The following HBG1 variants were observed in gnomAD, a reference collection of about 807,000 sequenced individuals.
HBG1 encodes the protein hemoglobin subunit gamma 1.
In HBG1, 1 loss-of-function variant was observed where a neutral mutation model predicts 5.9. That is an observed-to-expected ratio of 0.17 (90% CI 0.06 to 0.81). The LOEUF is 0.81. HBG1 is among the 30% of genes least tolerant of loss of function. The pLI, the probability that HBG1 is intolerant of heterozygous loss-of-function variation, is 0.73. For missense variants in HBG1, 57 were observed against 122.0 expected (o/e 0.47, Z 2.51); for synonymous variants, 19 against 50.5 (o/e 0.38, Z 2.64).
rs33963857 is a variant in HBG1, at chr11:5,248,439, C to A, written c.364G>T (p.Glu122Ter). ...GAAGCCTGCACCTCAGGGGTGAATT[C>A]TTTGCCGAAATGGATTGCCAAAACG... ...VTVLAIHFGK[E>*]FTPEVQASWQ... Residue 122 changes from glutamate to a stop codon, truncating the protein, a stop_gained, in exon 3 of 3, where the codon GAA becomes TAA. Transcript: ENST00000330597. LOFTEE classifies it low-confidence loss of function (END_TRUNC). The A allele has an allele frequency of 3.7e-6, 6 of 1,613,988 alleles. No homozygotes were observed. In the East Asian group the frequency reaches 1.1e-4, roughly 30 times the overall value.
chr11:5,248,776 GCGCGCACA>G (rs1847912241), intron 2 of HBG1, among the ~76,000 whole-genome samples: 6 of 84,306 alleles, frequency 7.1e-5, no homozygotes, highest in African/African-American at 1.9e-4. Flanking sequence ...ACACACGCGC[GCGCGCACA>G]CACACACACA....
chr11:5,248,799 CAG>C lies in HBG1; in HGVS notation c.316-314_316-313del, dbSNP rs1847913187. Among the ~76,000 whole-genome samples, 7 of 147,200 alleles carry C rather than the reference CAG, an allele frequency of 4.8e-5. No individual in the cohort carries two copies. In the East Asian group the frequency reaches 7.8e-4, roughly 16 times the overall value. ...GCGCGCGCACACACACACACACACACAGAGCTGACTTTCAAAATCTACTCCAG... is the reference window on the plus strand; with the variant it reads ...GCGCGCGCACACACACACACACACACAGCTGACTTTCAAAATCTACTCCAG... On this transcript the variant is annotated intron_variant, in intron 2 of 2. Coordinates refer to ENST00000330597, the MANE Select transcript of HBG1 (RefSeq NM_000559.3).
rs33963857 is a variant in HBG1 at position 5,248,439 on chromosome 11, C to T, written c.364G>A (p.Glu122Lys). 73 of 1,613,870 alleles carry T rather than the reference C, an allele frequency of 4.5e-5. No homozygotes were observed. The highest frequency in any genetic ancestry group is 6.0e-5 in the Non-Finnish European group (71 of 1,179,962). Reference protein sequence around the residue: ...VTVLAIHFGKEFTPEVQASWQ... With the variant: ...VTVLAIHFGKKFTPEVQASWQ... ...GAAGCCTGCACCTCAGGGGTGAATTCTTTGCCGAAATGGATTGCCAAAACG... is the reference window on the plus strand; with the variant it reads ...GAAGCCTGCACCTCAGGGGTGAATTTTTTGCCGAAATGGATTGCCAAAACG... The change falls in exon 3 of 3, where the codon GAA becomes AAA. Residue 122 changes from glutamate (E) to lysine (K), a missense_variant. This residue lies in a region of HBG1 where 43 missense variants were observed against 44.9 expected (regional missense o/e 0.96). Transcript: ENST00000330597.
In HBG1 at chr11:5,248,319, A is replaced by G. The variant is rs1319632647; in HGVS notation, c.*40T>C. The G allele has an allele frequency of 6.2e-7, 1 of 1,611,070 alleles. No homozygotes were observed. Among genetic ancestry groups the G allele is most frequent in the Non-Finnish European group, 8.5e-7 (1 of 1,177,358 alleles). On this transcript the variant is annotated 3_prime_UTR_variant, in exon 3 of 3. Transcript: ENST00000330597. Reference sequence around the variant, plus strand: ...TTATTATTTGTATTGCTTGCAGAATAAAGCCTATCCTTGAAAGCTCTGAAT... The same window carrying G: ...TTATTATTTGTATTGCTTGCAGAATGAAGCCTATCCTTGAAAGCTCTGAAT...
chr11:5,248,870 C>T (rs1847913804), intron 2 of HBG1, among the ~76,000 whole-genome samples: 3 of 149,830 alleles, frequency 2.0e-5, no homozygotes, highest in African/African-American at 7.5e-5. Flanking sequence ...ATACTTTGCC[C>T]CCATCTGGAA....
rs55769951 is a variant in HBG1, at chr11:5,249,103, T to C, written c.315+265A>G. ...AGGGAAAGATGAAAGTTCTTTCTAC[T>C]GGAATCTAATAAAGAAAAGTCATTT... On this transcript the variant is annotated intron_variant, in intron 2 of 2. Coordinates refer to ENST00000330597, the MANE Select transcript of HBG1 (RefSeq NM_000559.3). 1.8e-3 allele frequency among the ~76,000 whole-genome samples: 122 copies of C among 69,656 alleles called. 30 individuals are homozygous for C. Among genetic ancestry groups the C allele is most frequent in the Non-Finnish European group, 3.5e-3 (92 of 26,642 alleles). The allele number at this position is 69,656 out of a possible 152,430, so 45.7% of individuals were successfully genotyped here.
intron 2 of HBG1, among the ~76,000 whole-genome samples, chr11:5,248,848 T>C (rs1847913608): frequency 6.6e-6 from 1 of 150,460 alleles, no homozygotes; most frequent in South Asian, 2.1e-4. Context: ...CAATTGTTCC[T>C]CACCCCTGGA....
chr11:5,248,738 TAAAAG>T (rs925790957), intron 2 of HBG1, among the ~76,000 whole-genome samples: 1 of 149,962 alleles, frequency 6.7e-6, no homozygotes, highest in Non-Finnish European at 1.5e-5. Context: ...CTGAAGACGT[TAAAAG>T]AAACACACGC....
intron 2 of HBG1, 146 bp downstream of exon 2, chr11:5,249,222 C>CA: frequency 1.3e-6 from 1 of 747,734 alleles, no homozygotes; most frequent in South Asian, 1.6e-5. Flanking sequence ...CACTGGGTCT[C>CA]AGCCCAGTTA....
chr11:5,249,515 C>A lies in HBG1; in HGVS notation c.168G>T (p.Met56Ile). The A allele has an allele frequency of 1.0e-6, 1 of 979,320 alleles. No individual in the cohort carries two copies. Among genetic ancestry groups the A allele is most frequent in the Admixed American group, 2.4e-5 (1 of 42,386 alleles). The allele number at this position is 979,320 out of a possible 1,614,324, so 60.7% of individuals were successfully genotyped here. The change falls in exon 2 of 3, where the codon ATG (methionine) becomes ATT (isoleucine). Residue 56 changes from methionine (M) to isoleucine (I), a missense_variant. By Grantham distance (10) the Met-to-Ile change is conservative. Around this residue, in one of 2 missense-constraint regions of HBG1, gnomAD observed 14 missense variants for 77.0 expected, o/e 0.18. Coordinates refer to ENST00000330597, the MANE Select transcript of HBG1 (RefSeq NM_000559.3). ...CATGTGCCTTGACTTTGGGGTTGCC[C>A]ATGATGGCAGAGGCAGAGGACAGGT... The part of the protein sequence containing the change: ...FGNLSSASAI[M>I]GNPKVKAHGK...
In HBG1 at chr11:5,248,588, A is replaced by G; in HGVS notation, c.316-101T>C. The G allele has an allele frequency of 6.4e-6, 8 of 1,249,646 alleles. No individual in the cohort carries two copies. The East Asian group carries it at 1.9e-4, about 30-fold the overall frequency. The allele number at this position is 1,249,646 out of a possible 1,614,324, so 77.4% of individuals were successfully genotyped here. The stretch of plus-strand genomic sequence containing the variant: ...CACACCAAGCTTCCACCCAGAATCA[A>G]GCCTATGTTAACTTCCCTCAAAGCC... On this transcript the variant is annotated intron_variant, in intron 2 of 2. Transcript: ENST00000330597.
intron 2 of HBG1, among the ~76,000 whole-genome samples, chr11:5,249,067 C>CA (rs1554921671): frequency 2.4e-5 from 3 of 125,028 alleles, no homozygotes; most frequent in African/African-American, 9.1e-5. Context: ...TGTTTTAAAA[C>CA]AACAAAAATG....
intron 2 of HBG1, among the ~76,000 whole-genome samples, chr11:5,248,775 C>T (rs528530509): frequency 0.039 from 3,406 of 86,834 alleles, 168 homozygotes; most frequent in African/African-American, 0.12. Context: ...CACACACGCG[C>T]GCGCGCACAC....
intron 2 of HBG1, among the ~76,000 whole-genome samples, chr11:5,248,780 G>GCGCACACA (rs1345601853): frequency 8.9e-6 from 1 of 112,982 alleles, no homozygotes; most frequent in East Asian, 2.1e-4. Flanking sequence ...ACGCGCGCGC[G>GCGCACACA]CACACACACA....
Position 5,248,284 on chromosome 11 carries a change from C to T in HBG1, c.*75G>A, listed in dbSNP as rs1448958257. The T allele has an allele frequency of 5.1e-6, 8 of 1,581,288 alleles. No homozygotes were observed. The African/African-American group carries it at 9.4e-5, about 19-fold the overall frequency. On this transcript the variant is annotated 3_prime_UTR_variant, in exon 3 of 3. Coordinates refer to ENST00000330597, the MANE Select transcript of HBG1 (RefSeq NM_000559.3). ...AAGAAAATCATGTGTGATCTCTCAG[C>T]AGAATAGATTTATTATTTGTATTGC...
rs981259477 is a variant in HBG1, at chr11:5,248,432, G to A, written c.371C>T (p.Thr124Ile). ...VLAIHFGKEF[T>I]PEVQASWQKM... ...CTGCCAGGAAGCCTGCACCTCAGGGGTGAATTCTTTGCCGAAATGGATTGC... is the reference window on the plus strand; with the variant it reads ...CTGCCAGGAAGCCTGCACCTCAGGGATGAATTCTTTGCCGAAATGGATTGC... Residue 124 changes from threonine (T) to isoleucine (I), a missense_variant, in exon 3 of 3, where the codon ACC becomes ATC. This residue lies in a region of HBG1 where 43 missense variants were observed against 44.9 expected (regional missense o/e 0.96). Coordinates refer to ENST00000330597, the MANE Select transcript of HBG1 (RefSeq NM_000559.3). 6.2e-7 allele frequency: 1 copy of A among 1,613,874 alleles called. No individual in the cohort carries two copies. The highest frequency in any genetic ancestry group is 1.3e-5 in the African/African-American group (1 of 74,832).
At chr11:5,248,562 A>G in intron 2 of HBG1, 75 bp from the exon 3 acceptor site, 1 of 1,315,448 alleles carries the variant, frequency 7.6e-7, no homozygotes, top group Non-Finnish European at 1.1e-6. Context: ...CCAGATAACT[A>G]CACACCAAGC....
chr11:5,248,755 G>GAA, intron 2 of HBG1, among the ~76,000 whole-genome samples: 1 of 130,026 alleles, frequency 7.7e-6, no homozygotes, highest in East Asian at 2.0e-4. Context: ...AACACACGCT[G>GAA]ACACACACAC....
chr11:5,249,255 C>A (rs929514104), intron 2 of HBG1, 113 bp downstream of exon 2: 3 of 831,762 alleles, frequency 3.6e-6, no homozygotes, highest in Non-Finnish European at 3.9e-6. Context: ...TTCTTCACCC[C>A]CAACCCCAGT....
Sources: gnomAD v4.1 joint callset for allele counts (sites outside exome capture counted in the v4.1 genomes callset) on GRCh38, gnomAD v4.1.1 for gene constraint, gnomAD v4.1.1 regional missense constraint, MANE v1.5 for transcripts, NCBI Gene and HGNC (gene_info 2026-07-23, HGNC 2026-07-21) for gene names.